Variants in COL4A2 observed in about 807,000 individuals in gnomAD.
COL4A2 encodes the protein collagen type IV alpha 2 chain, also known as collagen alpha-2(IV) chain.
COL4A2 carries 99 observed loss-of-function variants against 200.2 expected under a neutral mutation model. That is an observed-to-expected ratio of 0.49 (90% CI 0.42 to 0.58). The LOEUF (loss-of-function observed/expected upper bound fraction) is 0.58, where lower values mean the gene tolerates loss of function less well. Ranked by LOEUF, COL4A2 falls within the 20% of genes least tolerant of loss-of-function variation. The pLI is 0.00. For missense variants in COL4A2, 1,950 were observed against 2,314.1 expected, an observed-to-expected ratio of 0.84 and a Z score of 3.23; for synonymous variants, 897 against 900.6, an observed-to-expected ratio of 1.00 and a Z score of 0.07.
At chr13:110,434,877 G>A (rs917146648) in intron 12 of COL4A2, among the ~76,000 whole-genome samples, 2 of 152,262 alleles carry the variant, frequency 1.3e-5, no homozygotes, top group Middle Eastern at 3.2e-3. Context: ...TAAGGACCAT[G>A]TGGCTTTTCT....
chr13:110,426,432 CCAGTCT>C (rs1175989304), intron 6 of COL4A2, among the ~76,000 whole-genome samples: 2 of 152,180 alleles, frequency 1.3e-5, no homozygotes, highest in Non-Finnish European at 1.5e-5. Context: ...CTCAAAGGAT[CCAGTCT>C]CTTAACCGCA....
rs776546128 is a variant in COL4A2, at chr13:110,436,286, G to A, written c.744G>A (p.Pro248=). ...ATATGCAGGGTGACGTAGGGCAGCC[G>A]GGACCCAACGGGATTCCATCAGACA... is the stretch of plus-strand genomic sequence containing the variant. ...VKGEKGDVGQ[P]GPNGIPSDTL... The change falls in exon 13 of 48, where the codon CCG becomes CCA. Residue 248 remains proline (P), a synonymous_variant. Coordinates refer to ENST00000360467, the MANE Select transcript of COL4A2 (RefSeq NM_001846.4). 4.3e-5 allele frequency: 70 copies of A among 1,613,646 alleles called. No individual in the cohort carries two copies. The highest frequency in any genetic ancestry group is 5.1e-5 in the Non-Finnish European group (60 of 1,179,982).
chr13:110,432,954 A>G (rs1880736895), intron 11 of COL4A2, among the ~76,000 whole-genome samples: 1 of 152,266 alleles, frequency 6.6e-6, no homozygotes, highest in Non-Finnish European at 1.5e-5. Context: ...TTATCTGAGA[A>G]AGCTGGATAA....
intron 4 of COL4A2, among the ~76,000 whole-genome samples, chr13:110,417,609 C>G (rs1340955586): frequency 6.6e-6 from 1 of 152,166 alleles, no homozygotes; most frequent in Non-Finnish European, 1.5e-5. Context: ...CTTGTGCCCT[C>G]TCAGTTAGTC....
intron 32 of COL4A2, 66 bp from the exon 33 acceptor site, chr13:110,484,839 C>T (rs977054443): frequency 2.1e-5 from 31 of 1,511,796 alleles, no homozygotes; most frequent in Non-Finnish European, 2.8e-5. Flanking sequence ...GGGACCAGGC[C>T]TTCACCTGTG....
At chr13:110,495,994 C>T (rs564584707) in intron 40 of COL4A2, among the ~76,000 whole-genome samples, 6 of 152,252 alleles carry the variant, frequency 3.9e-5, no homozygotes, top group South Asian at 2.1e-4. Context: ...AAGGGTGTTG[C>T]GGTCTCATTG....
chr13:110,440,976 G>A (rs1881099530), intron 16 of COL4A2, among the ~76,000 whole-genome samples: 2 of 152,360 alleles, frequency 1.3e-5, no homozygotes, highest in South Asian at 4.1e-4. Flanking sequence ...GTTCTTTAAA[G>A]CTGCAGAGAA....
At position 110,495,399 on chromosome 13, in the gene COL4A2, C is replaced by G. The variant is rs368834996; in HGVS notation, c.3692C>G (p.Pro1231Arg). The G allele has an allele frequency of 1.2e-6, 2 of 1,614,098 alleles. No homozygotes were observed. Among genetic ancestry groups the G allele is most frequent in the Non-Finnish European group, 1.7e-6 (2 of 1,180,014 alleles). The change falls in exon 40 of 48, where the codon CCA becomes CGA. Residue 1231 changes from proline to arginine, a missense_variant. Transcript: ENST00000360467. ...FPGPPGERGD[P>R]GEANTLPGPV... is the part of the protein sequence containing the mutation. ...GGCCCTCCTGGGGAAAGAGGTGACC[C>G]AGGAGAGGCCAACACCCTTCCAGGC...
In COL4A2 at chr13:110,504,171, G is replaced by A; in HGVS notation, c.4309G>A (p.Ala1437Thr). The change falls in exon 45 of 48, where the codon GCT (alanine) becomes ACT (threonine). Residue 1437 changes from alanine to threonine, a missense_variant. Transcript: ENST00000360467. ...AGGTTTCCGTGGGGCTCCAGGGAAA[G>A]CTGGGCCCCAAGGAAGAGGTGGTGT... ...EPGFRGAPGK[A>T]GPQGRGGVSA... is the part of the protein sequence containing the mutation. 1 of 1,614,168 alleles carries A rather than the reference G, an allele frequency of 6.2e-7. No homozygotes were observed. Among genetic ancestry groups the A allele is most frequent in the South Asian group, 1.1e-5 (1 of 91,084 alleles).
intron 38 of COL4A2, among the ~76,000 whole-genome samples, chr13:110,492,879 G>A (rs1053450954): frequency 4.6e-5 from 7 of 152,204 alleles, no homozygotes; most frequent in African/African-American, 1.7e-4. Context: ...TAAGTTGAGC[G>A]TGTGGCTTAG....
intron 29 of COL4A2, among the ~76,000 whole-genome samples, chr13:110,474,902 ACTCACGAT>A (rs1882642780): frequency 3.6e-5 from 2 of 55,856 alleles, no homozygotes; most frequent in African/African-American, 6.2e-5. Context: ...GCCTATGCAC[ACTCACGAT>A]CACACACATG....
chr13:110,480,688 G>C lies in COL4A2; in HGVS notation c.2758+298G>C, dbSNP rs202212643. On this transcript the variant is annotated intron_variant, in intron 31 of 47. Coordinates refer to ENST00000360467, the MANE Select transcript of COL4A2 (RefSeq NM_001846.4). ...TATTGTAAATATCACCATCTGCACA[G>C]GGAAATTTGTGGAGAGGTCCACTCA... Among the ~76,000 whole-genome samples, 39 of 152,370 alleles carry C rather than the reference G, an allele frequency of 2.6e-4. No homozygotes were observed. The East Asian group carries it at 6.2e-3, about 24-fold the overall frequency.
At chr13:110,450,773 A>G (rs1881512914) in intron 20 of COL4A2, among the ~76,000 whole-genome samples, 1 of 152,182 alleles carries the variant, frequency 6.6e-6, no homozygotes, top group Non-Finnish European at 1.5e-5. Context: ...GCAGTCTGGA[A>G]ACAGATGTGA....
In COL4A2 at chr13:110,505,207, G is replaced by A. The variant is rs544918033; in HGVS notation, c.4402+943G>A. ...CTACTAAAAATACAAAAAATTAGCC[G>A]GGCGTGGTGGCGGGCGCCAGTAGTC... On this transcript the variant is annotated intron_variant, in intron 45 of 47. Coordinates refer to ENST00000360467, the MANE Select transcript of COL4A2 (RefSeq NM_001846.4). Among the ~76,000 whole-genome samples, 316 of 151,570 alleles carry A rather than the reference G, an allele frequency of 2.1e-3. 1 individual carries two copies. The highest frequency in any genetic ancestry group is 3.4e-3 in the Non-Finnish European group (229 of 67,856).
At position 110,450,417 on chromosome 13, in the gene COL4A2, A is replaced by G; in HGVS notation, c.1302A>G (p.Pro434=). 3 of 1,614,002 alleles carry G rather than the reference A, an allele frequency of 1.9e-6. No homozygotes were observed. The highest frequency in any genetic ancestry group is 2.5e-6 in the Non-Finnish European group (3 of 1,179,978). ...GACCTGATGGAAAGCGAGGGCCTCC[A>G]GGACCCCCCGGGCTCCCTGGACCAC... ...PPGPDGKRGP[P]GPPGLPGPPG... Residue 434 remains proline (P), a synonymous_variant, in exon 20 of 48, where the codon CCA becomes CCG. Transcript: ENST00000360467.
rs769083442 is a variant in COL4A2, at chr13:110,428,461, T to A, written c.361-6T>A. On this transcript the variant is annotated splice_polypyrimidine_tract_variant and splice_region_variant and intron_variant, in intron 6 of 47. Transcript: ENST00000360467. ...TGGCTGATTCTCTCACTGCTCTCTT[T>A]CCCAGGGACACCCGGGGCAAGGTGG... is the stretch of plus-strand genomic sequence containing the variant. 6.4e-7 allele frequency: 1 copy of A among 1,558,240 alleles called. No homozygotes were observed. The highest frequency in any genetic ancestry group is 8.7e-7 in the Non-Finnish European group (1 of 1,153,102).
chr13:110,466,374 C>G (rs1349208460), intron 26 of COL4A2, among the ~76,000 whole-genome samples: 1 of 152,156 alleles, frequency 6.6e-6, no homozygotes, highest in Non-Finnish European at 1.5e-5. Context: ...GAGGCTGAGC[C>G]CAGCCCAGAC....
chr13:110,322,729 G>A (rs1885308274), intron 3 of COL4A2, among the ~76,000 whole-genome samples: 1 of 152,214 alleles, frequency 6.6e-6, no homozygotes, highest in African/African-American at 2.4e-5. Context: ...CTTCTTCCCT[G>A]CTAGACTTCA....
At position 110,434,391 on chromosome 13, in the gene COL4A2, A is replaced by G. The variant is rs1314450899; in HGVS notation, c.685-10A>G. 7 of 1,608,820 alleles carry G rather than the reference A, an allele frequency of 4.4e-6. No individual in the cohort carries two copies. The highest frequency in any genetic ancestry group is 2.2e-5 in the South Asian group (2 of 89,320). ...TTTTTAAAACTTACAGAAATTATTT[A>G]TCTTTTCAGGGCAACAGAGGACTTG... On this transcript the variant is annotated splice_polypyrimidine_tract_variant and intron_variant, in intron 11 of 47. Coordinates refer to ENST00000360467, the MANE Select transcript of COL4A2 (RefSeq NM_001846.4).
Sources: gnomAD v4.1 joint callset for allele counts (sites outside exome capture counted in the v4.1 genomes callset) on GRCh38, gnomAD v4.1.1 for gene constraint, MANE v1.5 for transcripts, NCBI Gene and HGNC (gene_info 2026-07-23, HGNC 2026-07-21) for gene names.